PDE2A: variants seen among roughly 807,000 people sequenced by gnomAD.
PDE2A encodes cGMP-dependent 3',5'-cyclic phosphodiesterase.
Under a neutral mutation model 133.6 loss-of-function variants are expected in PDE2A, and 53 were observed. That is an observed-to-expected ratio of 0.40 (90% CI 0.32 to 0.50). PDE2A has a LOEUF of 0.50. PDE2A is among the 20% of genes least tolerant of loss of function. The probability of loss-of-function intolerance (pLI) is 0.73; values close to 1 mark genes in which losing one functional copy is unlikely to be tolerated. For synonymous variants in PDE2A, 491 were observed against 490.2 expected (o/e 1.00, Z -0.02); for missense variants, 796 against 1,232.4 (o/e 0.65, Z 5.30).
At chr11:72,601,197 C>A (rs1362315442) in intron 4 of PDE2A, among the ~76,000 whole-genome samples, 1 of 101,862 alleles carries the variant, frequency 9.8e-6, no homozygotes, top group Non-Finnish European at 2.0e-5. Flanking sequence ...AAGTCCCTAC[C>A]CCCTCACAGA....
intron 2 of PDE2A, among the ~76,000 whole-genome samples, chr11:72,613,222 A>G (rs1857297635): frequency 6.6e-6 from 1 of 151,966 alleles, no homozygotes; most frequent in Non-Finnish European, 1.5e-5. Context: ...AGGAAGCCTC[A>G]CAGTGCCCCT....
At chr11:72,642,444 G>T in intron 1 of PDE2A, 118 bp from the exon 2 acceptor site, 2 of 1,140,648 alleles carry the variant, frequency 1.8e-6, no homozygotes, top group Non-Finnish European at 1.1e-6. Context: ...CGACAGCTTC[G>T]CCTGGTCCGC....
At chr11:72,607,838 C>A (rs341085) in intron 3 of PDE2A, among the ~76,000 whole-genome samples, 61,362 of 151,910 alleles carry the variant, frequency 0.4, 12,753 homozygotes, top group African/African-American at 0.52. Flanking sequence ...TCAGTTAGGG[C>A]ATCTCCTCCT....
At position 72,578,287 on chromosome 11, in the gene PDE2A, T is replaced by TA. The variant is rs1319293364; in HGVS notation, c.2560dup (p.Tyr854LeufsTer4). 1 of 1,613,874 alleles carries TA rather than the reference T, an allele frequency of 6.2e-7. No homozygotes were observed. Among genetic ancestry groups the TA allele is most frequent in the Non-Finnish European group, 8.5e-7 (1 of 1,179,924 alleles). On this transcript the variant is annotated frameshift_variant, in exon 30 of 31. Transcript: ENST00000334456. LOFTEE classifies it high-confidence loss of function. This position sits in a 1 kb window ranked among gnomAD's most constrained non-coding sequence, Gnocchi z 4.2. The stretch of plus-strand genomic sequence containing the variant: ...GAAGCTGATTTGCAGCTCAGGGATA[T>TA]AGGCCTTCTCCCGGTCCATCATCTC...
At chr11:72,627,688 C>T (rs958248659) in intron 2 of PDE2A, among the ~76,000 whole-genome samples, 3 of 152,172 alleles carry the variant, frequency 2.0e-5, no homozygotes, top group South Asian at 2.1e-4. Flanking sequence ...ATAGAGGAGC[C>T]GGTGTTGGGC....
At chr11:72,640,270 T>C (rs908599788) in intron 2 of PDE2A, among the ~76,000 whole-genome samples, 8 of 151,800 alleles carry the variant, frequency 5.3e-5, no homozygotes, top group African/African-American at 1.9e-4. Flanking sequence ...CAGAGACACA[T>C]GCAGACACAA....
chr11:72,616,716 C>A (rs1857493288), intron 2 of PDE2A, among the ~76,000 whole-genome samples: 1 of 152,242 alleles, frequency 6.6e-6, no homozygotes, highest in Non-Finnish European at 1.5e-5. Context: ...GGCACCTCTG[C>A]AGGCCGGGAG....
intron 2 of PDE2A, among the ~76,000 whole-genome samples, chr11:72,625,155 G>A (rs1857994678): frequency 6.6e-6 from 1 of 152,170 alleles, no homozygotes; most frequent in Non-Finnish European, 1.5e-5. Context: ...AAGCCCAGAG[G>A]CTGGCCAGCA....
At chr11:72,665,562 C>A (rs1415172790) in intron 1 of PDE2A, among the ~76,000 whole-genome samples, 1 of 152,190 alleles carries the variant, frequency 6.6e-6, no homozygotes, top group Non-Finnish European at 1.5e-5. Context: ...CCTCCCCAGG[C>A]CCAAGAGAGC....
chr11:72,577,894 C>T (rs1366970793), intron 30 of PDE2A, among the ~76,000 whole-genome samples: 1 of 152,160 alleles, frequency 6.6e-6, no homozygotes, highest in Admixed American at 6.5e-5. Context: ...ATCGCTTGAA[C>T]CCAGGAGGGG....
chr11:72,604,561 T>A (rs542115972), intron 4 of PDE2A, among the ~76,000 whole-genome samples: 40 of 152,316 alleles, frequency 2.6e-4, no homozygotes, highest in African/African-American at 9.6e-4. Context: ...CACAATCCTA[T>A]AAGCACCATT....
At chr11:72,667,190 C>T (rs1855261694) in intron 1 of PDE2A, among the ~76,000 whole-genome samples, 2 of 152,170 alleles carry the variant, frequency 1.3e-5, no homozygotes, top group South Asian at 4.1e-4. Flanking sequence ...CCCACACATT[C>T]TCACCCTCTC....
chr11:72,649,159 C>G (rs1854650954), intron 1 of PDE2A: 1 of 152,306 alleles, frequency 6.6e-6, no homozygotes. Context: ...CTCTCCCCAC[C>G]ACTCACCAAT....
At chr11:72,638,875 C>T (rs1265483147) in intron 2 of PDE2A, among the ~76,000 whole-genome samples, 2 of 152,366 alleles carry the variant, frequency 1.3e-5, no homozygotes, top group East Asian at 1.9e-4. Flanking sequence ...ACAGTGTTGC[C>T]TGGGGAATGG....
intron 27 of PDE2A, 108 bp downstream of exon 27, chr11:72,579,176 G>T: frequency 1.0e-6 from 1 of 979,710 alleles, no homozygotes; most frequent in Non-Finnish European, 1.6e-6. Flanking sequence ...AGCCAGAGAA[G>T]GGTTGATGTT....
chr11:72,674,106 G>A lies in PDE2A; in HGVS notation c.71+31C>T, dbSNP rs372392802. The A allele has an allele frequency of 7.5e-6, 12 of 1,604,816 alleles. No homozygotes were observed. In the African/African-American group the frequency reaches 1.1e-4, roughly 14 times the overall value. On this transcript the variant is annotated intron_variant, in intron 1 of 30. Transcript: ENST00000334456. ...CCTGTCTGTGGCACCTCTCACAGCC[G>A]CTCACCACCCCAGCCCCTCACTATA...
In PDE2A at chr11:72,578,377, C is replaced by T. The variant is rs1195917483; in HGVS notation, c.2509-38G>A. The T allele has an allele frequency of 6.3e-7, 1 of 1,581,512 alleles. No homozygotes were observed. Among genetic ancestry groups the T allele is most frequent in the Admixed American group, 1.7e-5 (1 of 59,994 alleles). ...AGTCGTCAGGCCTGTCCCTCTCATT[C>T]CTCCATCGGGTACCAGGGTCAGGCT... On this transcript the variant is annotated intron_variant, in intron 29 of 30. Transcript: ENST00000334456. This position sits in a 1 kb window ranked among gnomAD's most constrained non-coding sequence, Gnocchi z 4.2.
intron 25 of PDE2A, 33 bp from the exon 26 acceptor site, chr11:72,579,641 G>C: frequency 6.9e-7 from 1 of 1,453,244 alleles, no homozygotes; most frequent in Non-Finnish European, 9.6e-7. Flanking sequence ...GGCCCAGCTG[G>C]GGCAGATGGG....
intron 2 of PDE2A, among the ~76,000 whole-genome samples, chr11:72,618,487 G>C (rs1414870086): frequency 1.3e-5 from 2 of 152,178 alleles, no homozygotes; most frequent in Admixed American, 1.3e-4. Context: ...CTGGGCAGGT[G>C]GGGCACCAAG....
Sources: allele counts gnomAD v4.1 joint callset (sites outside exome capture counted in the v4.1 genomes callset), GRCh38; gene constraint gnomAD v4.1.1; non-coding constraint Gnocchi (gnomAD v3.1); transcripts MANE v1.5; gene names NCBI Gene and HGNC (gene_info 2026-07-23, HGNC 2026-07-21).